Variants in ABCC1 observed in about 807,000 individuals in gnomAD.
The protein encoded by ABCC1 is multidrug resistance-associated protein 1.
A neutral mutation model predicts 172.9 loss-of-function variants in ABCC1; 83 were observed. The ratio of observed to expected loss-of-function variants is 0.48; its 90% CI spans 0.40 to 0.58. ABCC1 has a LOEUF of 0.58. Ranked by LOEUF, ABCC1 falls within the 20% of genes least tolerant of loss-of-function variation. The pLI is 0.00. For synonymous variants in ABCC1, 937 were observed against 825.2 expected, an observed-to-expected ratio of 1.14 and a Z score of -2.32; for missense variants, 1,817 against 2,002.7, an observed-to-expected ratio of 0.91 and a Z score of 1.77.
chr16:16,079,624 C>G (rs925996784), intron 16 of ABCC1, 146 bp downstream of exon 16: 2 of 1,075,498 alleles, frequency 1.9e-6, no homozygotes, highest in Admixed American at 5.7e-5. Context: ...TATCTTTCCA[C>G]TGTCTCTTTC....
chr16:16,105,026 A>G (rs1220494964), intron 20 of ABCC1, among the ~76,000 whole-genome samples: 1 of 151,898 alleles, frequency 6.6e-6, no homozygotes. Flanking sequence ...ACCTCCCCGC[A>G]AGCTGAGGGA....
chr16:16,043,337 T>G (rs921836283), intron 7 of ABCC1, among the ~76,000 whole-genome samples: 3 of 151,292 alleles, frequency 2.0e-5, no homozygotes, highest in Admixed American at 1.3e-4. Context: ...TGAGTCTTTT[T>G]GCCCAGGCTG....
chr16:16,138,803 G>A (rs2046017693), intron 30 of ABCC1, among the ~76,000 whole-genome samples: 1 of 149,644 alleles, frequency 6.7e-6, no homozygotes, highest in Non-Finnish European at 1.5e-5. Context: ...TCTGCCTCTG[G>A]GGTTCAAGCA....
chr16:16,066,597 T>C (rs926125344), intron 12 of ABCC1, among the ~76,000 whole-genome samples: 1 of 152,072 alleles, frequency 6.6e-6, no homozygotes, highest in Non-Finnish European at 1.5e-5. Context: ...GTAGACCCTT[T>C]CGAGTAAAGA....
At chr16:16,099,341 C>T (rs1401930236) in intron 19 of ABCC1, among the ~76,000 whole-genome samples, 1 of 152,198 alleles carries the variant, frequency 6.6e-6, no homozygotes, top group African/African-American at 2.4e-5. Context: ...TGTTGGGGAA[C>T]TGCAGCAGGT....
rs45576443 is a variant in ABCC1, at chr16:16,023,103, G to A, written c.615+6482G>A. On this transcript the variant is annotated intron_variant, in intron 5 of 30. Coordinates refer to ENST00000399410, the MANE Select transcript of ABCC1 (RefSeq NM_004996.4). ...TAATTTTTAAATTTTTTGTAGGCGT[G>A]AGGGCTCCTTATGTTGCCCAGTCTG... is the stretch of plus-strand genomic sequence containing the variant. Among the ~76,000 whole-genome samples, 861 of 152,180 alleles carry A rather than the reference G, an allele frequency of 5.7e-3. 10 individuals carry two copies. Among genetic ancestry groups the A allele is most frequent in the African/African-American group, 0.02 (822 of 41,538 alleles).
chr16:16,106,801 A>G lies in ABCC1; in HGVS notation c.2799A>G (p.Glu933=). ...GCAGGCACCACAACAGCACCGCAGA[A>G]CTGCAGAAAGCTGAGGCCAAGAAGG... ...DISRHHNSTA[E]LQKAEAKKEE... The change falls in exon 21 of 31, where the codon GAA becomes GAG. Residue 933 remains glutamate, a synonymous_variant. Coordinates refer to ENST00000399410, the MANE Select transcript of ABCC1 (RefSeq NM_004996.4). 3.7e-6 allele frequency: 6 copies of G among 1,614,136 alleles called. No homozygotes were observed. The highest frequency in any genetic ancestry group is 2.2e-5 in the East Asian group (1 of 44,870).
In ABCC1 at chr16:15,998,636, A is replaced by G. The variant is rs114671880; in HGVS notation, c.49-9180A>G. Among the ~76,000 whole-genome samples the G allele has an allele frequency of 5.1e-3, 777 of 152,222 alleles. 9 individuals carry two copies. Among genetic ancestry groups the G allele is most frequent in the African/African-American group, 0.018 (741 of 41,524 alleles). ...GCCGCCCTTTGGGTCTGGGCTGGCCATCTGGCTCTGAGCAGGAAGCTAGCC... is the reference window on the plus strand; with the variant it reads ...GCCGCCCTTTGGGTCTGGGCTGGCCGTCTGGCTCTGAGCAGGAAGCTAGCC... On this transcript the variant is annotated intron_variant, in intron 1 of 30. Coordinates refer to ENST00000399410, the MANE Select transcript of ABCC1 (RefSeq NM_004996.4).
At chr16:16,014,751 C>T (rs1433983581) in intron 4 of ABCC1, 123 bp downstream of exon 4, 7 of 1,156,384 alleles carry the variant, frequency 6.1e-6, no homozygotes, top group African/African-American at 1.5e-5. Context: ...ACCACATGCA[C>T]CTAGCTTCTC....
At chr16:15,971,338 G>A (rs2046363877) in intron 1 of ABCC1, among the ~76,000 whole-genome samples, 1 of 152,188 alleles carries the variant, frequency 6.6e-6, no homozygotes, top group Non-Finnish European at 1.5e-5. Context: ...CTAGGAACAT[G>A]TGGGGAAAGG....
At chr16:15,955,975 C>A (rs906188892) in intron 1 of ABCC1, among the ~76,000 whole-genome samples, 8 of 152,056 alleles carry the variant, frequency 5.3e-5, no homozygotes, top group Non-Finnish European at 1.0e-4. Flanking sequence ...GGATGCAGCG[C>A]GGTGGCTTAC....
rs533719874 is a variant in ABCC1 at position 15,999,830 on chromosome 16, C to T, written c.49-7986C>T. Among the ~76,000 whole-genome samples, 489 of 55,012 alleles carry T rather than the reference C, an allele frequency of 8.9e-3. 12 individuals are homozygous for T. Among genetic ancestry groups the T allele is most frequent in the African/African-American group, 0.034 (473 of 14,046 alleles). 36.1% of individuals were successfully genotyped at this position (55,012 alleles called of 152,430 possible). On this transcript the variant is annotated intron_variant, in intron 1 of 30. Transcript: ENST00000399410. ...CTCTCCTCTCTCTCTCTCTCTCTCT[C>T]TCTGTCTCTTTCTTTCTTTCTTTCT...
chr16:16,044,708 T>C, intron 8 of ABCC1, 28 bp downstream of exon 8: 1 of 1,590,850 alleles, frequency 6.3e-7, no homozygotes, highest in Non-Finnish European at 8.6e-7. Context: ...CCAGGTGGGC[T>C]CCATTTTCCC....
At chr16:16,096,135 A>T (rs1157611621) in intron 19 of ABCC1, among the ~76,000 whole-genome samples, 1 of 151,892 alleles carries the variant, frequency 6.6e-6, no homozygotes, top group Non-Finnish European at 1.5e-5. Flanking sequence ...AGGCTGAGGC[A>T]GGAGAATAGC....
intron 3 of ABCC1, among the ~76,000 whole-genome samples, chr16:16,011,832 G>T (rs952163662): frequency 1.3e-5 from 2 of 152,014 alleles, no homozygotes; most frequent in Non-Finnish European, 2.9e-5. Flanking sequence ...ACCACGCCCG[G>T]CTGATTTTGT....
rs147432316 is a variant in ABCC1 at position 16,134,070 on chromosome 16, T to G, written c.3967-280T>G. ...AAACAAATAGGGCTTTGTTGGAAAT[T>G]CCTTCTGCCTCTTCTGTATCTCTTT... On this transcript the variant is annotated intron_variant, in intron 27 of 30. Coordinates refer to ENST00000399410, the MANE Select transcript of ABCC1 (RefSeq NM_004996.4). Among the ~76,000 whole-genome samples the G allele has an allele frequency of 2.0e-5, 3 of 152,316 alleles. 1 individual carries two copies. In the East Asian group the frequency reaches 5.8e-4, roughly 29 times the overall value.
intron 1 of ABCC1, among the ~76,000 whole-genome samples, chr16:15,989,637 G>A (rs577783360): frequency 2.6e-5 from 4 of 152,060 alleles, no homozygotes; most frequent in African/African-American, 7.2e-5. Flanking sequence ...TCCAAGCCCC[G>A]TCTGTTCCTT....
intron 29 of ABCC1, among the ~76,000 whole-genome samples, chr16:16,137,406 C>T (rs923169909): frequency 1.4e-4 from 21 of 152,098 alleles, no homozygotes; most frequent in Non-Finnish European, 1.3e-4. Flanking sequence ...AGCGTGCAAG[C>T]CCCTATTGCA....
chr16:16,050,650 T>C (rs111520424), intron 10 of ABCC1, among the ~76,000 whole-genome samples: 20,736 of 148,002 alleles, frequency 0.14, 1,507 homozygotes, highest in Admixed American at 0.17. Flanking sequence ...CCCTGCACTT[T>C]GGGAGGCTGA....
Sources: allele counts gnomAD v4.1 joint callset (sites outside exome capture counted in the v4.1 genomes callset), GRCh38; gene constraint gnomAD v4.1.1; transcripts MANE v1.5; gene names NCBI Gene and HGNC (gene_info 2026-07-23, HGNC 2026-07-21).